The following ATAD2B variants were observed in gnomAD, a reference collection of about 807,000 sequenced individuals.
The protein encoded by ATAD2B is ATPase family AAA domain containing 2B.
In ATAD2B, 40 loss-of-function variants were observed where a neutral mutation model predicts 167.6. The ratio of observed to expected loss-of-function variants is 0.24; its 90% confidence interval spans 0.19 to 0.31. ATAD2B has a LOEUF of 0.31. Ranked by LOEUF, ATAD2B falls within the 10% of genes least tolerant of loss-of-function variation. The pLI, the probability that ATAD2B is intolerant of heterozygous loss-of-function variation, is 1.00. For missense variants in ATAD2B, 1,242 were observed against 1,757.2 expected, an observed-to-expected ratio of 0.71 and a Z score of 5.24; for synonymous variants, 579 against 596.5, an observed-to-expected ratio of 0.97 and a Z score of 0.43.
intron 15 of ATAD2B, among the ~76,000 whole-genome samples, chr2:23,827,093 T>A (rs888755311): frequency 3.3e-5 from 5 of 152,086 alleles, no homozygotes; most frequent in African/African-American, 9.7e-5. Flanking sequence ...ATTTTTTTTT[T>A]AATGTGAACC....
chr2:23,711,634 AT>A, the ATAD2B span, among the ~76,000 whole-genome samples: 1 of 151,986 alleles, frequency 6.6e-6, no homozygotes, highest in Non-Finnish European at 1.5e-5. Flanking sequence ...CCCTCCCAAA[AT>A]GCTGGGATTA....
chr2:23,693,513 C>T, the ATAD2B span: 82 of 1,550,378 alleles, frequency 5.3e-5, no homozygotes, highest in Non-Finnish European at 6.4e-5. Context: ...AGAAGGACCC[C>T]GCGACACGCA....
At chr2:23,688,607 C>T in the ATAD2B span, among the ~76,000 whole-genome samples, 1 of 152,118 alleles carries the variant, frequency 6.6e-6, no homozygotes, top group South Asian at 2.1e-4. Context: ...ACCCCCACGC[C>T]CAGAAGTAGG....
intron 1 of ATAD2B, among the ~76,000 whole-genome samples, chr2:23,909,691 C>T (rs1273470389): frequency 6.6e-6 from 1 of 151,720 alleles, no homozygotes; most frequent in East Asian, 1.9e-4. Context: ...GGAAAAAGGC[C>T]CTTTTTTTCT....
chr2:23,893,184 C>T (rs1487194732), intron 2 of ATAD2B, among the ~76,000 whole-genome samples: 3 of 152,200 alleles, frequency 2.0e-5, no homozygotes, highest in African/African-American at 7.2e-5. Flanking sequence ...ATCCAATTAC[C>T]TAACTCTAAA....
chr2:23,703,831 C>A, the ATAD2B span: 1 of 1,537,400 alleles, frequency 6.5e-7, no homozygotes, highest in Middle Eastern at 1.7e-4. Flanking sequence ...TTAAGGCGGG[C>A]CCAAACATGA....
At chr2:23,738,323 GA>G in the ATAD2B span, among the ~76,000 whole-genome samples, 3 of 152,310 alleles carry the variant, frequency 2.0e-5, no homozygotes, top group Non-Finnish European at 4.4e-5. Flanking sequence ...CCCACAAAGG[GA>G]AGCCCATCAG....
chr2:23,897,515 T>C (rs941912154), intron 1 of ATAD2B, among the ~76,000 whole-genome samples: 30 of 152,212 alleles, frequency 2.0e-4, no homozygotes, highest in African/African-American at 7.0e-4. Flanking sequence ...CTTCTACATT[T>C]GTAGTTGGCA....
At chr2:23,854,633 G>A (rs952000511) in intron 13 of ATAD2B, among the ~76,000 whole-genome samples, 9 of 150,736 alleles carry the variant, frequency 6.0e-5, no homozygotes, top group African/African-American at 1.7e-4. Flanking sequence ...AGCCAAGATC[G>A]TGCCATTGCA....
chr2:23,709,040 C>T, the ATAD2B span, among the ~76,000 whole-genome samples: 110 of 151,498 alleles, frequency 7.3e-4, no homozygotes, highest in Middle Eastern at 6.8e-3. Flanking sequence ...CTTTTCTTTT[C>T]TTTTTTTCTT....
chr2:23,843,859 T>C (rs971292996), intron 13 of ATAD2B, among the ~76,000 whole-genome samples: 3 of 152,280 alleles, frequency 2.0e-5, no homozygotes, highest in African/African-American at 7.2e-5. Context: ...CATAAATACA[T>C]AAAAGGATAC....
At chr2:23,765,381 TTAAA>T (rs1677271919) in intron 23 of ATAD2B, 121 bp downstream of exon 23, 2 of 830,450 alleles carry the variant, frequency 2.4e-6, no homozygotes, top group South Asian at 9.0e-5. Context: ...GTATCAGAAA[TTAAA>T]TAAATACATT....
intron 20 of ATAD2B, among the ~76,000 whole-genome samples, chr2:23,786,675 C>T (rs112587121): frequency 2.0e-5 from 3 of 152,044 alleles, no homozygotes; most frequent in African/African-American, 7.2e-5. Context: ...GTGAAACATG[C>T]AAATCCAGCA....
In ATAD2B at chr2:23,757,678, G is replaced by A. The variant is rs1294825958; in HGVS notation, c.3818C>T (p.Ser1273Phe). ...TGGTATTCCTTCAAAACTGTCAGTG[G>A]AAGCCTCACCATTTAGACAATTTCC... is the stretch of plus-strand genomic sequence containing the variant. ...LKGNCLNGEA[S>F]TDSFEGIPVL... Residue 1273 changes from serine (S) to phenylalanine (F), a missense_variant, in exon 25 of 28, where the codon TCC becomes TTC. This residue lies in a region of ATAD2B where 282 missense variants were observed against 346.8 expected (regional missense o/e 0.81). Coordinates refer to ENST00000238789, the MANE Select transcript of ATAD2B (RefSeq NM_017552.4). The A allele has an allele frequency of 1.2e-6, 2 of 1,613,624 alleles. No homozygotes were observed. Among genetic ancestry groups the A allele is most frequent in the Non-Finnish European group, 1.7e-6 (2 of 1,179,704 alleles).
chr2:23,881,914 G>A lies in ATAD2B; in HGVS notation c.785-1159C>T, dbSNP rs140980614. On this transcript the variant is annotated intron_variant, in intron 6 of 27. Coordinates refer to ENST00000238789, the MANE Select transcript of ATAD2B (RefSeq NM_017552.4). ...AATTTTGTATTTTCAGTAGAGACGGGGTTTCACCACATTGACCAAGCTGGT... is the reference window on the plus strand; with the variant it reads ...AATTTTGTATTTTCAGTAGAGACGGAGTTTCACCACATTGACCAAGCTGGT... Among the ~76,000 whole-genome samples the A allele has an allele frequency of 1.6e-3, 248 of 151,660 alleles. 2 individuals are homozygous for A. The highest frequency in any genetic ancestry group is 5.7e-3 in the African/African-American group (237 of 41,364).
chr2:23,746,134 T>C (rs143816987), downstream of ATAD2B, among the ~76,000 whole-genome samples: 63 of 152,272 alleles, frequency 4.1e-4, no homozygotes, highest in African/African-American at 1.5e-3. Flanking sequence ...TCTGTATACC[T>C]ACAGTGCCTA....
At chr2:23,736,687 C>G in the ATAD2B span, among the ~76,000 whole-genome samples, 1 of 152,130 alleles carries the variant, frequency 6.6e-6, no homozygotes, top group Non-Finnish European at 1.5e-5. Context: ...GAGTGCCAGA[C>G]AGTAGGTGCA....
At chr2:23,862,046 G>A (rs1419519655) in intron 12 of ATAD2B, among the ~76,000 whole-genome samples, 1 of 152,152 alleles carries the variant, frequency 6.6e-6, no homozygotes, top group African/African-American at 2.4e-5. Context: ...CCAAAAAGTT[G>A]AAAATTAGGC....
chr2:23,736,261 C>T, the ATAD2B span, among the ~76,000 whole-genome samples: 24,134 of 152,132 alleles, frequency 0.16, 2,031 homozygotes, highest in Middle Eastern at 0.26. Context: ...AGCATTCTTC[C>T]CTTGGGTTGG....
Sources: gnomAD v4.1 joint callset for allele counts (sites outside exome capture counted in the v4.1 genomes callset) on GRCh38, gnomAD v4.1.1 for gene constraint, gnomAD v4.1.1 regional missense constraint, MANE v1.5 for transcripts, NCBI Gene and HGNC (gene_info 2026-07-23, HGNC 2026-07-21) for gene names.